APBA1: variants seen among roughly 807,000 people sequenced by gnomAD.
The protein encoded by APBA1 is amyloid beta precursor protein binding family A member 1, also known as amyloid-beta A4 precursor protein-binding family A member 1.
APBA1 carries 55 observed loss-of-function variants against 86.6 expected under a neutral mutation model. The observed-to-expected ratio is 0.64, with a 90% CI of 0.51 to 0.80. APBA1 has a LOEUF of 0.80. Ranked by LOEUF, APBA1 falls within the 30% of genes least tolerant of loss-of-function variation. The pLI, the probability that APBA1 is intolerant of heterozygous loss-of-function variation, is 0.00. For missense variants in APBA1, 1,090 were observed against 1,183.0 expected, an observed-to-expected ratio of 0.92 and a Z score of 1.15; for synonymous variants, 511 against 493.9, an observed-to-expected ratio of 1.03 and a Z score of -0.46.
chr9:69,469,019 C>A (rs1186285902), intron 4 of APBA1, among the ~76,000 whole-genome samples: 1 of 152,038 alleles, frequency 6.6e-6, no homozygotes, highest in East Asian at 1.9e-4. Context: ...CACTACCATG[C>A]CCAACTAATT....
At chr9:69,597,832 G>A (rs908019323) in intron 1 of APBA1, among the ~76,000 whole-genome samples, 137 of 152,262 alleles carry the variant, frequency 9.0e-4, no homozygotes, top group African/African-American at 3.1e-3. Flanking sequence ...TTACACTGTT[G>A]GTGGGACTGT....
chr9:69,661,316 C>T (rs1047241339), intron 1 of APBA1, among the ~76,000 whole-genome samples: 10 of 152,144 alleles, frequency 6.6e-5, no homozygotes, highest in South Asian at 2.1e-4. Flanking sequence ...GAGTCACTTT[C>T]GTTCAATGTC....
chr9:69,551,821 G>A lies in APBA1; in HGVS notation c.-69-34542C>T, dbSNP rs185715207. ...CTGTGTACCATGAAATGGTAAATCT[G>A]CAACATTTCATTTTTTCTTCTAATC... is the stretch of plus-strand genomic sequence containing the variant. On this transcript the variant is annotated intron_variant, in intron 1 of 12. Transcript: ENST00000265381. Among the ~76,000 whole-genome samples the A allele has an allele frequency of 4.6e-5, 7 of 152,310 alleles. 1 individual carries two copies. In the East Asian group the frequency reaches 1.3e-3, roughly 29 times the overall value.
At chr9:69,581,585 C>G (rs1821913951) in intron 1 of APBA1, among the ~76,000 whole-genome samples, 1 of 152,138 alleles carries the variant, frequency 6.6e-6, no homozygotes, top group African/African-American at 2.4e-5. Flanking sequence ...AGAGACATGA[C>G]TAGCCTAGAA....
At chr9:69,487,375 G>A (rs1385085194) in intron 2 of APBA1, among the ~76,000 whole-genome samples, 2 of 152,090 alleles carry the variant, frequency 1.3e-5, no homozygotes, top group Admixed American at 6.5e-5. Flanking sequence ...CAAATACAGG[G>A]TGACTTCTGT....
chr9:69,525,288 ACT>A (rs1450540122), intron 1 of APBA1, among the ~76,000 whole-genome samples: 5 of 151,874 alleles, frequency 3.3e-5, no homozygotes, highest in African/African-American at 9.7e-5. Context: ...AGAAGTCAAA[ACT>A]CTCTCTTTTC....
At chr9:69,592,413 T>C (rs766400175) in intron 1 of APBA1, among the ~76,000 whole-genome samples, 3 of 152,064 alleles carry the variant, frequency 2.0e-5, no homozygotes, top group Non-Finnish European at 4.4e-5. Context: ...CTGGGTAACA[T>C]AGTGAGGCGC....
intron 1 of APBA1, among the ~76,000 whole-genome samples, chr9:69,584,594 T>C (rs1821982667): frequency 6.6e-6 from 1 of 152,174 alleles, no homozygotes; most frequent in Non-Finnish European, 1.5e-5. Flanking sequence ...GTACAACTAT[T>C]ACAAAGATGA....
At chr9:69,455,943 C>T (rs1168568271) in intron 8 of APBA1, among the ~76,000 whole-genome samples, 1 of 152,172 alleles carries the variant, frequency 6.6e-6, no homozygotes. Flanking sequence ...TTGTTGATCA[C>T]CCTACCTGAC....
At chr9:69,488,830 T>C (rs1310702546) in intron 2 of APBA1, among the ~76,000 whole-genome samples, 2 of 152,168 alleles carry the variant, frequency 1.3e-5, no homozygotes, top group African/African-American at 4.8e-5. Flanking sequence ...AGCATTCTTA[T>C]ACACCAATAA....
chr9:69,450,941 T>G (rs1321943494), intron 9 of APBA1, among the ~76,000 whole-genome samples: 4 of 152,200 alleles, frequency 2.6e-5, no homozygotes, highest in Non-Finnish European at 5.9e-5. Context: ...GATTCTTCTC[T>G]CACGGCTCTC....
At chr9:69,588,672 A>G (rs1475915272) in intron 1 of APBA1, among the ~76,000 whole-genome samples, 1 of 152,218 alleles carries the variant, frequency 6.6e-6, no homozygotes, top group East Asian at 1.9e-4. Flanking sequence ...GTCAGAGCTT[A>G]GTTCCTCTGC....
intron 1 of APBA1, among the ~76,000 whole-genome samples, chr9:69,670,046 T>A (rs557376011): frequency 8.5e-5 from 13 of 152,288 alleles, no homozygotes; most frequent in Admixed American, 2.6e-4. Flanking sequence ...GCATAACAAA[T>A]AAGAGAGTAA....
chr9:69,432,692 G>A lies in APBA1; in HGVS notation c.2302-16C>T. On this transcript the variant is annotated splice_polypyrimidine_tract_variant and intron_variant, in intron 11 of 12. Coordinates refer to ENST00000265381, the MANE Select transcript of APBA1 (RefSeq NM_001163.4). ...GGCTGCAGATCTGCCAGAGTCAAAGGCAGAGTTACCCTCATTGCAGACAGT... is the reference window on the plus strand; with the variant it reads ...GGCTGCAGATCTGCCAGAGTCAAAGACAGAGTTACCCTCATTGCAGACAGT... 1 of 1,549,814 alleles carries A rather than the reference G, an allele frequency of 6.5e-7. No individual in the cohort carries two copies. The highest frequency in any genetic ancestry group is 8.7e-7 in the Non-Finnish European group (1 of 1,152,134).
chr9:69,560,506 G>C (rs1836931399), intron 1 of APBA1, among the ~76,000 whole-genome samples: 1 of 152,132 alleles, frequency 6.6e-6, no homozygotes, highest in African/African-American at 2.4e-5. Flanking sequence ...TAACTTCTCT[G>C]AACCTTGGTT....
chr9:69,601,271 A>G (rs1278328159), intron 1 of APBA1, among the ~76,000 whole-genome samples: 2 of 152,242 alleles, frequency 1.3e-5, no homozygotes, highest in African/African-American at 4.8e-5. Flanking sequence ...TAGTTGAGAT[A>G]CAATAAAGAT....
At chr9:69,520,076 C>A (rs113004411) in intron 1 of APBA1, among the ~76,000 whole-genome samples, 1 of 152,288 alleles carries the variant, frequency 6.6e-6, no homozygotes, top group Non-Finnish European at 1.5e-5. Flanking sequence ...TACACACCAT[C>A]ATGTTTCCAA....
chr9:69,489,468 A>G (rs913230566), intron 2 of APBA1, among the ~76,000 whole-genome samples: 1 of 152,120 alleles, frequency 6.6e-6, no homozygotes, highest in Non-Finnish European at 1.5e-5. Context: ...CCTTATACAA[A>G]AATTAATTCA....
chr9:69,663,246 G>A (rs923788900), intron 1 of APBA1, among the ~76,000 whole-genome samples: 1 of 152,238 alleles, frequency 6.6e-6, no homozygotes, highest in Non-Finnish European at 1.5e-5. Flanking sequence ...ACTTGTTTCA[G>A]TGATGTATGT....
Sources: gnomAD v4.1 joint callset for allele counts (sites outside exome capture counted in the v4.1 genomes callset) on GRCh38, gnomAD v4.1.1 for gene constraint, MANE v1.5 for transcripts, NCBI Gene and HGNC (gene_info 2026-07-23, HGNC 2026-07-21) for gene names.